NKAIN2: variants seen among roughly 807,000 people sequenced by gnomAD.
The protein encoded by NKAIN2 is sodium/potassium-transporting ATPase subunit beta-1-interacting protein 2.
In NKAIN2, 14 loss-of-function variants were observed where a neutral mutation model predicts 32.6. The observed-to-expected ratio is 0.43, with a 90% CI of 0.28 to 0.67. The LOEUF is 0.67. NKAIN2 is among the 30% of genes least tolerant of loss of function. The pLI is 0.17. For synonymous variants in NKAIN2, 80 were observed against 87.2 expected, an observed-to-expected ratio of 0.92 and a Z score of 0.46; for missense variants, 198 against 258.3, an observed-to-expected ratio of 0.77 and a Z score of 1.60.
At chr6:124,246,657 T>C (rs1793418496) in intron 1 of NKAIN2, among the ~76,000 whole-genome samples, 3 of 152,052 alleles carry the variant, frequency 2.0e-5, no homozygotes. Context: ...AGGCAGACTT[T>C]ACAGCCTAAC....
At chr6:124,396,392 C>A (rs1583182836) in intron 3 of NKAIN2, among the ~76,000 whole-genome samples, 2 of 121,398 alleles carry the variant, frequency 1.6e-5, no homozygotes, top group Admixed American at 8.0e-5. Context: ...ACCAAAAAAA[C>A]ACAAAAGGAA....
chr6:124,817,608 G>T (rs1434137989), intron 5 of NKAIN2, among the ~76,000 whole-genome samples: 1 of 152,066 alleles, frequency 6.6e-6, no homozygotes, highest in East Asian at 1.9e-4. Context: ...CATAGTCAAA[G>T]CTGCCAGAAA....
intron 3 of NKAIN2, among the ~76,000 whole-genome samples, chr6:124,523,707 C>T (rs935161468): frequency 1.3e-5 from 2 of 152,064 alleles, no homozygotes; most frequent in African/African-American, 2.4e-5. Flanking sequence ...TTCATGAAGC[C>T]TGGCCAACTA....
intron 1 of NKAIN2, among the ~76,000 whole-genome samples, chr6:123,966,532 A>C (rs143188705): frequency 1.2e-4 from 18 of 152,306 alleles, no homozygotes; most frequent in African/African-American, 4.1e-4. Flanking sequence ...CAATGCGTAG[A>C]TACACTTTGT....
chr6:123,940,228 T>C (rs1324764707), intron 1 of NKAIN2, among the ~76,000 whole-genome samples: 2 of 151,812 alleles, frequency 1.3e-5, no homozygotes, highest in South Asian at 2.1e-4. Flanking sequence ...CAAAAACACT[T>C]AAAGCACAAA....
chr6:124,341,119 C>T (rs940232122), intron 2 of NKAIN2, among the ~76,000 whole-genome samples: 1 of 152,020 alleles, frequency 6.6e-6, no homozygotes, highest in African/African-American at 2.4e-5. Flanking sequence ...TATTTTCAGG[C>T]ATGATTTCCA....
intron 1 of NKAIN2, among the ~76,000 whole-genome samples, chr6:124,181,554 T>C (rs2114545029): frequency 6.6e-6 from 1 of 152,236 alleles, no homozygotes; most frequent in African/African-American, 2.4e-5. Flanking sequence ...ATAAATAAAA[T>C]GGAATACTTC....
In NKAIN2 at chr6:124,290,970, A is replaced by G. The variant is rs75150038; in HGVS notation, c.192+7828A>G. Among the ~76,000 whole-genome samples, 26 of 152,168 alleles carry G rather than the reference A, an allele frequency of 1.7e-4. No individual in the cohort carries two copies. In the East Asian group the frequency reaches 5.0e-3, roughly 29 times the overall value. On this transcript the variant is annotated intron_variant, in intron 2 of 6. Coordinates refer to ENST00000368417, the MANE Select transcript of NKAIN2 (RefSeq NM_001040214.3). ...TGTTCTCAAGCCCTATTATACATCT[A>G]TCTCTCCCTTCTTCTGATTTGATTC...
At chr6:124,562,528 G>A (rs1007471581) in intron 3 of NKAIN2, among the ~76,000 whole-genome samples, 1 of 151,900 alleles carries the variant, frequency 6.6e-6, no homozygotes, top group Admixed American at 6.6e-5. Context: ...AATTATTAAG[G>A]TTCTCAAAGA....
At chr6:123,895,992 A>G (rs1348931903) in intron 1 of NKAIN2, among the ~76,000 whole-genome samples, 1 of 152,222 alleles carries the variant, frequency 6.6e-6, no homozygotes, top group African/African-American at 2.4e-5. Context: ...AAAATTAGGC[A>G]AGTCAACTGT....
chr6:124,244,448 C>T (rs1389960734), intron 1 of NKAIN2, among the ~76,000 whole-genome samples: 1 of 151,884 alleles, frequency 6.6e-6, no homozygotes, highest in Non-Finnish European at 1.5e-5. Flanking sequence ...GCATAGTATT[C>T]CATGGTGTAT....
At chr6:124,341,872 G>A (rs1798128563) in intron 2 of NKAIN2, among the ~76,000 whole-genome samples, 1 of 152,182 alleles carries the variant, frequency 6.6e-6, no homozygotes, top group African/African-American at 2.4e-5. Context: ...TCGTAATGTA[G>A]ACTGCCATTG....
chr6:124,514,823 G>A (rs1778844322), intron 3 of NKAIN2, among the ~76,000 whole-genome samples: 1 of 150,318 alleles, frequency 6.7e-6, no homozygotes, highest in Non-Finnish European at 1.5e-5. Context: ...CATTTAACTA[G>A]TCAGTTTTAT....
chr6:124,367,218 T>C (rs1428032350), intron 3 of NKAIN2, among the ~76,000 whole-genome samples: 1 of 152,100 alleles, frequency 6.6e-6, no homozygotes, highest in African/African-American at 2.4e-5. Context: ...GTTGTTCTTA[T>C]CAATATATTC....
At chr6:124,716,167 G>T (rs1484671529) in intron 4 of NKAIN2, among the ~76,000 whole-genome samples, 1 of 152,180 alleles carries the variant, frequency 6.6e-6, no homozygotes, top group Non-Finnish European at 1.5e-5. Context: ...ATCTTGCTTT[G>T]TGACCAGGGT....
chr6:124,063,954 AT>A (rs200135178), intron 1 of NKAIN2, among the ~76,000 whole-genome samples: 9,854 of 146,232 alleles, frequency 0.067, 332 homozygotes, highest in East Asian at 0.19. Flanking sequence ...AAAACATATA[AT>A]TTTTTTTTTT....
intron 3 of NKAIN2, among the ~76,000 whole-genome samples, chr6:124,396,164 ACT>A (rs772846248): frequency 1.3e-3 from 197 of 151,982 alleles, no homozygotes; most frequent in Admixed American, 3.0e-3. Context: ...GGTTAAAAAC[ACT>A]CTACCACTCA....
intron 3 of NKAIN2, among the ~76,000 whole-genome samples, chr6:124,402,292 G>A (rs1773657429): frequency 6.6e-6 from 1 of 152,140 alleles, no homozygotes; most frequent in Admixed American, 6.6e-5. Context: ...TCTATAGTAA[G>A]TTGGTTTTAT....
intron 3 of NKAIN2, among the ~76,000 whole-genome samples, chr6:124,446,614 A>C (rs1345080866): frequency 1.3e-5 from 2 of 152,256 alleles, no homozygotes; most frequent in Non-Finnish European, 2.9e-5. Flanking sequence ...AAGTGCTGGA[A>C]TTACAGGCAT....
Sources: allele counts gnomAD v4.1 joint callset (sites outside exome capture counted in the v4.1 genomes callset), GRCh38; gene constraint gnomAD v4.1.1; transcripts MANE v1.5; gene names NCBI Gene and HGNC (gene_info 2026-07-23, HGNC 2026-07-21).